EPHA3: variants seen among roughly 807,000 people sequenced by gnomAD.
EPHA3 encodes the protein EPH receptor A3.
In EPHA3, 42 loss-of-function variants were observed where a neutral mutation model predicts 107.1. That is an observed-to-expected ratio of 0.39 (90% confidence interval 0.31 to 0.51). The LOEUF is 0.51. EPHA3 is among the 20% of genes least tolerant of loss of function. EPHA3 has a pLI of 0.78. For synonymous variants in EPHA3, 461 were observed against 424.8 expected (o/e 1.09, Z -1.05); for missense variants, 1,183 against 1,211.2 (o/e 0.98, Z 0.35).
At chr3:89,434,293 C>T (rs1421790904) in intron 13 of EPHA3, among the ~76,000 whole-genome samples, 2 of 152,164 alleles carry the variant, frequency 1.3e-5, no homozygotes, top group Admixed American at 6.5e-5. Flanking sequence ...TGTCGGTTCA[C>T]TGCAACCTCT....
intron 2 of EPHA3, among the ~76,000 whole-genome samples, chr3:89,207,522 T>C (rs1706135169): frequency 6.6e-6 from 1 of 152,156 alleles, no homozygotes; most frequent in African/African-American, 2.4e-5. Flanking sequence ...TTTTTATTCT[T>C]TTTTTAAACA....
intron 3 of EPHA3, among the ~76,000 whole-genome samples, chr3:89,281,004 A>ATTTTTTATTTAT (rs71105126): frequency 0.22 from 32,448 of 147,236 alleles, 3,797 homozygotes; most frequent in Non-Finnish European, 0.25. Flanking sequence ...CAAGATTTTT[A>ATTTTTTATTTAT]TTATTTATTT....
intron 2 of EPHA3, among the ~76,000 whole-genome samples, chr3:89,159,843 A>G (rs1704890987): frequency 6.6e-6 from 1 of 152,108 alleles, no homozygotes; most frequent in South Asian, 2.1e-4. Flanking sequence ...GTGTTGAGGT[A>G]TAAAGGAGAT....
chr3:89,445,100 T>C (rs1709854733), intron 13 of EPHA3, among the ~76,000 whole-genome samples: 1 of 152,102 alleles, frequency 6.6e-6, no homozygotes, highest in Non-Finnish European at 1.5e-5. Flanking sequence ...ACCTTGTCTC[T>C]ATCAAAAATC....
chr3:89,376,326 A>G (rs1415763173), intron 5 of EPHA3, among the ~76,000 whole-genome samples: 2 of 151,660 alleles, frequency 1.3e-5, no homozygotes, highest in African/African-American at 4.8e-5. Flanking sequence ...AGCTTTATGT[A>G]GGATGTGTGT....
At chr3:89,251,348 A>G (rs1433214382) in intron 3 of EPHA3, among the ~76,000 whole-genome samples, 2 of 152,062 alleles carry the variant, frequency 1.3e-5, no homozygotes, top group African/African-American at 4.8e-5. Context: ...TTTTTAAAAG[A>G]GGAGATTAAT....
At chr3:89,186,366 T>A (rs1447498403) in intron 2 of EPHA3, among the ~76,000 whole-genome samples, 1 of 147,708 alleles carries the variant, frequency 6.8e-6, no homozygotes, top group East Asian at 1.9e-4. Context: ...TACATGTCCT[T>A]GGTTTAAAAA....
rs1281985970 is a variant in EPHA3, at chr3:89,146,964, A to C, written c.153+19691A>C. The stretch of plus-strand genomic sequence containing the variant: ...ATGTCCATCAATGATAGACTGGATA[A>C]GGAAAATGTGGTATATATACACAAT... On this transcript the variant is annotated intron_variant, in intron 2 of 16. Coordinates refer to ENST00000336596, the MANE Select transcript of EPHA3 (RefSeq NM_005233.6). Among the ~76,000 whole-genome samples the C allele has an allele frequency of 3.3e-5, 5 of 152,096 alleles. No homozygotes were observed. In the East Asian group the frequency reaches 9.7e-4, roughly 29 times the overall value.
intron 2 of EPHA3, among the ~76,000 whole-genome samples, chr3:89,205,370 A>G (rs569232919): frequency 4.6e-5 from 7 of 152,320 alleles, no homozygotes; most frequent in African/African-American, 1.2e-4. Context: ...TATATGTTTG[A>G]TTCAGTGACA....
intron 3 of EPHA3, among the ~76,000 whole-genome samples, chr3:89,261,912 A>G (rs1333798678): frequency 6.6e-6 from 1 of 151,674 alleles, no homozygotes; most frequent in Admixed American, 6.6e-5. Context: ...TTTGACCAAC[A>G]CACAGACACC....
At chr3:89,467,249 A>C (rs1347535417) in intron 15 of EPHA3, among the ~76,000 whole-genome samples, 1 of 152,176 alleles carries the variant, frequency 6.6e-6, no homozygotes, top group Non-Finnish European at 1.5e-5. Flanking sequence ...AAAATATATT[A>C]CTATTCTCAA....
chr3:89,335,410 A>G (rs1164385871), intron 3 of EPHA3, among the ~76,000 whole-genome samples: 4 of 152,180 alleles, frequency 2.6e-5, no homozygotes, highest in Non-Finnish European at 4.4e-5. Flanking sequence ...TAAAACCAAC[A>G]TATTGTTCAT....
intron 2 of EPHA3, among the ~76,000 whole-genome samples, chr3:89,209,203 G>A (rs773089371): frequency 3.9e-5 from 6 of 152,112 alleles, no homozygotes; most frequent in Admixed American, 6.6e-5. Context: ...GGGTGCAAAA[G>A]GCTTTAAGAA....
chr3:89,455,867 C>T (rs570492623), intron 15 of EPHA3, among the ~76,000 whole-genome samples: 3 of 152,156 alleles, frequency 2.0e-5, no homozygotes, highest in Non-Finnish European at 4.4e-5. Flanking sequence ...GCACCATATT[C>T]TCGTTCTTCA....
At chr3:89,424,378 G>T (rs2107530591) in intron 11 of EPHA3, among the ~76,000 whole-genome samples, 1 of 151,270 alleles carries the variant, frequency 6.6e-6, no homozygotes, top group South Asian at 2.1e-4. Context: ...TCCTGATAAA[G>T]GTATGTAAAC....
At chr3:89,140,278 G>A (rs185405638) in intron 2 of EPHA3, among the ~76,000 whole-genome samples, 1 of 151,856 alleles carries the variant, frequency 6.6e-6, no homozygotes, top group Admixed American at 6.6e-5. Flanking sequence ...TTCTGTATAA[G>A]CCAATTAATT....
At chr3:89,148,703 C>T (rs766140668) in intron 2 of EPHA3, among the ~76,000 whole-genome samples, 1 of 151,872 alleles carries the variant, frequency 6.6e-6, no homozygotes, top group Non-Finnish European at 1.5e-5. Context: ...ATTAATCTTA[C>T]ATTGTTTTCC....
At chr3:89,167,210 G>C (rs1345117645) in intron 2 of EPHA3, among the ~76,000 whole-genome samples, 1 of 152,010 alleles carries the variant, frequency 6.6e-6, no homozygotes, top group Non-Finnish European at 1.5e-5. Context: ...CAGTTAACTA[G>C]CTAATAGATG....
intron 3 of EPHA3, among the ~76,000 whole-genome samples, chr3:89,268,176 C>T (rs1705582902): frequency 6.6e-6 from 1 of 152,038 alleles, no homozygotes; most frequent in Non-Finnish European, 1.5e-5. Flanking sequence ...CCAAAAGAAA[C>T]AATTCACTTG....
Sources: allele counts gnomAD v4.1 joint callset (sites outside exome capture counted in the v4.1 genomes callset), GRCh38; gene constraint gnomAD v4.1.1; transcripts MANE v1.5; gene names NCBI Gene and HGNC (gene_info 2026-07-23, HGNC 2026-07-21).